ATP2A1: variants seen among roughly 807,000 people sequenced by gnomAD.
The protein encoded by ATP2A1 is sarcoplasmic/endoplasmic reticulum calcium ATPase 1.
In ATP2A1, 83 loss-of-function variants were observed where a neutral mutation model predicts 109.5. The observed-to-expected ratio is 0.76, with a 90% CI of 0.63 to 0.91. The LOEUF (loss-of-function observed/expected upper bound fraction) is 0.91, where lower values mean the gene tolerates loss of function less well. Ranked by LOEUF, ATP2A1 falls within the 40% of genes least tolerant of loss-of-function variation. The pLI, the probability that ATP2A1 is intolerant of heterozygous loss-of-function variation, is 0.00. For synonymous variants in ATP2A1, 505 were observed against 537.6 expected (o/e 0.94, Z 0.84); for missense variants, 1,101 against 1,341.0 (o/e 0.82, Z 2.80).
rs1964059184 is a variant in ATP2A1, at chr16:28,900,957, G to A, written c.2100+41G>A. The A allele has an allele frequency of 1.9e-6, 3 of 1,609,726 alleles. No homozygotes were observed. In the African/African-American group the frequency reaches 4.0e-5, roughly 22 times the overall value. On this transcript the variant is annotated intron_variant, in intron 15 of 22. Coordinates refer to ENST00000395503, the MANE Select transcript of ATP2A1 (RefSeq NM_004320.6). Reference sequence around the variant, plus strand: ...CAGCTGCAGCCTTAGTGTCCACGGAGATGACCAGATGACTGTGCTGGGGAG... The same window carrying A: ...CAGCTGCAGCCTTAGTGTCCACGGAAATGACCAGATGACTGTGCTGGGGAG...
rs1273003509 is a variant in ATP2A1 at position 28,883,025 on chromosome 16, G to A, written c.463+436G>A. 6.6e-6 allele frequency among the ~76,000 whole-genome samples: 1 copy of A among 152,218 alleles called. No homozygotes were observed. Among genetic ancestry groups the A allele is most frequent in the Non-Finnish European group, 1.5e-5 (1 of 68,030 alleles). ...GAGCGAGGGCAGAAGGGAGGAGGGA[G>A]GCCGAAGGCTCGAGCCCCCGACCAT... On this transcript the variant is annotated intron_variant, in intron 5 of 22. Transcript: ENST00000395503. The surrounding 1 kb of genome is among the most constrained non-coding windows in gnomAD (Gnocchi z 5.2).
At chr16:28,886,812 C>T (rs1185519068) in intron 6 of ATP2A1, among the ~76,000 whole-genome samples, 3 of 150,308 alleles carry the variant, frequency 2.0e-5, no homozygotes, top group Non-Finnish European at 4.4e-5. Flanking sequence ...CATGGTGAGA[C>T]CCCGTCTCTA....
At position 28,885,686 on chromosome 16, in the gene ATP2A1, G is replaced by A. The variant is rs943794227; in HGVS notation, c.544+1031G>A. Reference sequence around the variant, plus strand: ...TTCTGTCCCAAGCCTGAAACGGGACGGGTAGTGGGAGAAGGCTGGATGTTG... The same window carrying A: ...TTCTGTCCCAAGCCTGAAACGGGACAGGTAGTGGGAGAAGGCTGGATGTTG... On this transcript the variant is annotated intron_variant, in intron 6 of 22. Transcript: ENST00000395503. Among the ~76,000 whole-genome samples, 6 of 151,904 alleles carry A rather than the reference G, an allele frequency of 3.9e-5. No homozygotes were observed. In the East Asian group the frequency reaches 7.8e-4, roughly 20 times the overall value.
At chr16:28,901,329 A>C (rs999133573) in intron 15 of ATP2A1, among the ~76,000 whole-genome samples, 4 of 113,778 alleles carry the variant, frequency 3.5e-5, no homozygotes, top group African/African-American at 9.0e-5. Flanking sequence ...ACCCTGTCTC[A>C]AAAAAAAAAA....
At chr16:28,884,997 G>C (rs1219379301) in intron 6 of ATP2A1, among the ~76,000 whole-genome samples, 2 of 152,118 alleles carry the variant, frequency 1.3e-5, no homozygotes, top group Non-Finnish European at 2.9e-5. Flanking sequence ...CCAGCACTTT[G>C]GGAGGCCGAG....
At chr16:28,887,396 G>T in intron 7 of ATP2A1, 29 bp from the exon 8 acceptor site, 1 of 1,613,870 alleles carries the variant, frequency 6.2e-7, no homozygotes, top group South Asian at 1.1e-5. Flanking sequence ...CCTCTTGCCT[G>T]ATTCCCTGCC....
In ATP2A1 at chr16:28,902,530, G is replaced by T; in HGVS notation, c.2525-50G>T. On this transcript the variant is annotated intron_variant, in intron 17 of 22. Transcript: ENST00000395503. This position sits in a 1 kb window ranked among gnomAD's most constrained non-coding sequence, Gnocchi z 4.8. ...CCACATGAGGCCCTCAACCCTCGAT[G>T]CCCCCTATCTCCCCAGCCCTGACCC... The T allele has an allele frequency of 6.3e-7, 1 of 1,591,814 alleles. No homozygotes were observed. Among genetic ancestry groups the T allele is most frequent in the African/African-American group, 1.3e-5 (1 of 74,536 alleles).
In ATP2A1 at chr16:28,883,788, G is replaced by A. The variant is rs1036250660; in HGVS notation, c.464-787G>A. On this transcript the variant is annotated intron_variant, in intron 5 of 22. Coordinates refer to ENST00000395503, the MANE Select transcript of ATP2A1 (RefSeq NM_004320.6). The surrounding 1 kb of genome is among the most constrained non-coding windows in gnomAD (Gnocchi z 5.2). ...CACACCTGTTTCCTGCCCAACCCCCGCTTCTCTCCTGTCCCATCCCATCCT... is the reference window on the plus strand; with the variant it reads ...CACACCTGTTTCCTGCCCAACCCCCACTTCTCTCCTGTCCCATCCCATCCT... Among the ~76,000 whole-genome samples, 6 of 151,352 alleles carry A rather than the reference G, an allele frequency of 4.0e-5. No homozygotes were observed. The highest frequency in any genetic ancestry group is 7.3e-5 in the African/African-American group (3 of 41,088).
chr16:28,895,534 C>G (rs555339496), intron 12 of ATP2A1, among the ~76,000 whole-genome samples: 1 of 151,780 alleles, frequency 6.6e-6, no homozygotes, highest in South Asian at 2.1e-4. Context: ...TTTAATATAA[C>G]AAAAAAGCGG....
At position 28,903,962 on chromosome 16, in the gene ATP2A1, T is replaced by TGCTGC. The variant is rs1205806149; in HGVS notation, c.*38-211_*38-207dup. On this transcript the variant is annotated intron_variant, in intron 22 of 22. Coordinates refer to ENST00000395503, the MANE Select transcript of ATP2A1 (RefSeq NM_004320.6). This position sits in a 1 kb window ranked among gnomAD's most constrained non-coding sequence, Gnocchi z 5.6. ...GGCAGTGCCAGCCTCTGGGCCCGTC[T>TGCTGC]GCTGCGCTGCGTTGCGCTGGCTGTG... 2.8e-6 allele frequency: 2 copies of TGCTGC among 709,904 alleles called. No individual in the cohort carries two copies. The highest frequency in any genetic ancestry group is 2.6e-5 in the East Asian group (1 of 38,768). 44.0% of individuals were successfully genotyped at this position (709,904 alleles called of 1,614,324 possible).
rs998215570 is a variant in ATP2A1, at chr16:28,880,789, G to C, written c.220-126G>C. 1 of 912,332 alleles carries C rather than the reference G, an allele frequency of 1.1e-6. No individual in the cohort carries two copies. Among genetic ancestry groups the C allele is most frequent in the African/African-American group, 1.6e-5 (1 of 61,400 alleles). 56.5% of individuals were successfully genotyped at this position (912,332 alleles called of 1,614,324 possible). A position where few individuals can be genotyped will look rare whatever the true frequency, so the allele number is the denominator to read the frequency against. Reference sequence around the variant, plus strand: ...GATGTGGGGCCACAGCGCCCCGACGGTGCCCGGCCCTCCTGCTGGCTCCTG... The same window carrying C: ...GATGTGGGGCCACAGCGCCCCGACGCTGCCCGGCCCTCCTGCTGGCTCCTG... On this transcript the variant is annotated intron_variant, in intron 3 of 22. Transcript: ENST00000395503. The surrounding 1 kb of genome is among the most constrained non-coding windows in gnomAD (Gnocchi z 4.2).
At position 28,902,483 on chromosome 16, in the gene ATP2A1, T is replaced by C. The variant is rs1313223327; in HGVS notation, c.2524+97T>C. The stretch of plus-strand genomic sequence containing the variant: ...CATGCAGGTGCTGAGAGGGTCTTCT[T>C]CCTTGGCCAGCCTGTCCATGGCCAC... On this transcript the variant is annotated intron_variant, in intron 17 of 22. Transcript: ENST00000395503. This position sits in a 1 kb window ranked among gnomAD's most constrained non-coding sequence, Gnocchi z 4.8. 1.0e-5 allele frequency: 16 copies of C among 1,569,620 alleles called. No individual in the cohort carries two copies. The East Asian group carries it at 3.4e-4, about 33-fold the overall frequency.
rs533195103 is a variant in ATP2A1 at position 28,903,837 on chromosome 16, C to T, written c.*37+96C>T. ...CGTCGCATCCAAGGTCACTTGTGCT[C>T]GCAGCTCCACCTGGAGCCGTTGCCA... On this transcript the variant is annotated intron_variant, in intron 22 of 22. Transcript: ENST00000395503. This position sits in a 1 kb window ranked among gnomAD's most constrained non-coding sequence, Gnocchi z 5.6. 229 of 1,200,666 alleles carry T rather than the reference C, an allele frequency of 1.9e-4. 1 individual carries two copies. Among genetic ancestry groups the T allele is most frequent in the Non-Finnish European group, 2.1e-4 (169 of 808,838 alleles). The allele number at this position is 1,200,666 out of a possible 1,614,324, so 74.4% of individuals were successfully genotyped here.
intron 6 of ATP2A1, among the ~76,000 whole-genome samples, chr16:28,886,417 CA>C (rs1439594130): frequency 1.3e-5 from 2 of 152,098 alleles, no homozygotes; most frequent in Non-Finnish European, 2.9e-5. Context: ...CCCATGGTCC[CA>C]GGGGGCAAGG....
intron 14 of ATP2A1, 113 bp from the exon 15 acceptor site, chr16:28,900,468 C>CCCCAA: frequency 1.2e-6 from 1 of 850,926 alleles, no homozygotes; most frequent in Non-Finnish European, 1.7e-6. Context: ...AGGCTTCCCA[C>CCCCAA]CCCTCCCCAC....
intron 9 of ATP2A1, among the ~76,000 whole-genome samples, chr16:28,889,679 T>C (rs1390784164): frequency 6.6e-6 from 1 of 152,204 alleles, no homozygotes; most frequent in African/African-American, 2.4e-5. Context: ...CCAGAGCTTC[T>C]GCCTGTGAAG....
At position 28,880,265 on chromosome 16, in the gene ATP2A1, G is replaced by A. The variant is rs568162354; in HGVS notation, c.220-650G>A. 1.3e-5 allele frequency among the ~76,000 whole-genome samples: 2 copies of A among 152,348 alleles called. No homozygotes were observed. The highest frequency in any genetic ancestry group is 4.1e-4 in the South Asian group (2 of 4,830). ...CCATCTGCATGTCGCGGGTTCTTCC[G>A]CAGCATGTGAGCCTCGCTGGGGACT... On this transcript the variant is annotated intron_variant, in intron 3 of 22. Coordinates refer to ENST00000395503, the MANE Select transcript of ATP2A1 (RefSeq NM_004320.6). The surrounding 1 kb of genome is among the most constrained non-coding windows in gnomAD (Gnocchi z 4.2).
intron 9 of ATP2A1, among the ~76,000 whole-genome samples, chr16:28,891,304 A>T (rs1963766400): frequency 6.7e-6 from 1 of 149,380 alleles, no homozygotes; most frequent in South Asian, 2.1e-4. Flanking sequence ...CTCGAAAAAA[A>T]ATATAAAAGA....
Position 28,900,671 on chromosome 16 carries a change from A to G in ATP2A1, c.1855A>G (p.Ile619Val). 6.2e-7 allele frequency: 1 copy of G among 1,611,424 alleles called. No homozygotes were observed. Among genetic ancestry groups the G allele is most frequent in the Non-Finnish European group, 8.5e-7 (1 of 1,177,838 alleles). ...GSIQLCRDAG[I>V]RVIMITGDNK... Reference sequence around the variant, plus strand: ...CATCCAGCTGTGCCGTGACGCCGGGATCCGGGTGATCATGATCACTGGGGA... The same window carrying G: ...CATCCAGCTGTGCCGTGACGCCGGGGTCCGGGTGATCATGATCACTGGGGA... Residue 619 changes from isoleucine (I) to valine (V), a missense_variant, in exon 15 of 23, where the codon ATC (isoleucine) becomes GTC (valine). By Grantham distance (29) the Ile-to-Val change is conservative. Transcript: ENST00000395503.
Sources: allele counts gnomAD v4.1 joint callset (sites outside exome capture counted in the v4.1 genomes callset), GRCh38; gene constraint gnomAD v4.1.1; non-coding constraint Gnocchi (gnomAD v3.1); transcripts MANE v1.5; gene names NCBI Gene and HGNC (gene_info 2026-07-23, HGNC 2026-07-21).